Variants in DCBLD2 observed in about 807,000 individuals in gnomAD.
The protein encoded by DCBLD2 is discoidin, CUB and LCCL domain containing 2, also known as discoidin, CUB and LCCL domain-containing protein 2.
DCBLD2 carries 54 observed loss-of-function variants against 86.8 expected under a neutral mutation model. The observed-to-expected ratio is 0.62, with a 90% CI of 0.50 to 0.78. DCBLD2 has a LOEUF of 0.78. Ranked by LOEUF, DCBLD2 falls within the 30% of genes least tolerant of loss-of-function variation. The pLI is 0.00. For missense variants in DCBLD2, 908 were observed against 954.2 expected, an observed-to-expected ratio of 0.95 and a Z score of 0.64; for synonymous variants, 354 against 341.3, an observed-to-expected ratio of 1.04 and a Z score of -0.41.
intron 12 of DCBLD2, 65 bp downstream of exon 12, chr3:98,811,129 G>A (rs1024637588): frequency 9.3e-5 from 132 of 1,426,340 alleles, no homozygotes; most frequent in Non-Finnish European, 1.1e-4. Context: ...AAAAATGCCC[G>A]TGAAAACTTC....
chr3:98,881,715 G>A lies in DCBLD2; in HGVS notation c.258C>T (p.Ser86=). The A allele has an allele frequency of 6.2e-7, 1 of 1,613,838 alleles. No homozygotes were observed. The highest frequency in any genetic ancestry group is 8.5e-7 in the Non-Finnish European group (1 of 1,179,844). The stretch of plus-strand genomic sequence containing the variant: ...TGGGATAGGTCTGTGGGTAGTTTAT[G>A]GATGTAAGGGTTCCACTCTCAGGGC... ...VLGPESGTLT[S]INYPQTYPNS... Residue 86 remains serine, a synonymous_variant, in exon 2 of 16, where the codon TCC becomes TCT. Coordinates refer to ENST00000326840, the MANE Select transcript of DCBLD2 (RefSeq NM_080927.4).
intron 1 of DCBLD2, among the ~76,000 whole-genome samples, chr3:98,893,193 T>C (rs973666762): frequency 1.3e-4 from 20 of 152,240 alleles, no homozygotes; most frequent in African/African-American, 3.8e-4. Context: ...ATTGATTCAT[T>C]CATTGAACAA....
chr3:98,844,239 T>G (rs369570947), intron 3 of DCBLD2, among the ~76,000 whole-genome samples: 1 of 152,134 alleles, frequency 6.6e-6, no homozygotes, highest in African/African-American at 2.4e-5. Flanking sequence ...TTGAACAGAT[T>G]CAAAAACAGA....
chr3:98,804,925 C>A (rs1011997744), intron 13 of DCBLD2: 1 of 152,294 alleles, frequency 6.6e-6, no homozygotes, highest in Non-Finnish European at 1.5e-5. Context: ...GTTATAATTT[C>A]TTTTCTGTTA....
intron 9 of DCBLD2, among the ~76,000 whole-genome samples, chr3:98,817,523 C>T (rs1942044289): frequency 6.6e-6 from 1 of 152,030 alleles, no homozygotes. Flanking sequence ...CTAAACAATT[C>T]AATTAAAAAT....
chr3:98,831,204 TA>T (rs1271553818), intron 3 of DCBLD2, among the ~76,000 whole-genome samples: 9 of 142,280 alleles, frequency 6.3e-5, no homozygotes, highest in African/African-American at 2.5e-4. Context: ...CATGCTGAGC[TA>T]ATTTTTTTTT....
chr3:98,849,688 C>T (rs1942799011), intron 2 of DCBLD2, 90 bp from the exon 3 acceptor site: 3 of 1,380,920 alleles, frequency 2.2e-6, no homozygotes, highest in South Asian at 1.4e-5. Flanking sequence ...GAATAATATA[C>T]CAAGCTGGCT....
chr3:98,819,484 C>G, intron 7 of DCBLD2, 67 bp from the exon 8 acceptor site: 1 of 1,527,268 alleles, frequency 6.5e-7, no homozygotes, highest in Non-Finnish European at 9.0e-7. Flanking sequence ...GACCTGCTCA[C>G]TGAAAACTTT....
intron 2 of DCBLD2, among the ~76,000 whole-genome samples, chr3:98,865,882 C>T (rs926584952): frequency 7.5e-6 from 1 of 133,712 alleles, no homozygotes; most frequent in African/African-American, 2.8e-5. Flanking sequence ...ATGACAGGCA[C>T]CGGTGTGTGA....
At chr3:98,805,333 G>A (rs367806878) in intron 13 of DCBLD2, among the ~76,000 whole-genome samples, 1 of 152,016 alleles carries the variant, frequency 6.6e-6, no homozygotes, top group African/African-American at 2.4e-5. Flanking sequence ...CTTTCTCCCT[G>A]AAAATGCTCT....
intron 2 of DCBLD2, among the ~76,000 whole-genome samples, chr3:98,856,906 T>G (rs1208672760): frequency 6.6e-6 from 1 of 152,046 alleles, no homozygotes; most frequent in Non-Finnish European, 1.5e-5. Flanking sequence ...GTGGCTGAAA[T>G]GAAAGGGGAT....
intron 3 of DCBLD2, among the ~76,000 whole-genome samples, chr3:98,826,861 C>A (rs897014778): frequency 7.9e-5 from 12 of 152,158 alleles, no homozygotes; most frequent in Admixed American, 6.5e-4. Context: ...GATTAAAGAA[C>A]TGTGTCAAGG....
chr3:98,827,490 G>C (rs1942243522), intron 3 of DCBLD2, among the ~76,000 whole-genome samples: 1 of 152,194 alleles, frequency 6.6e-6, no homozygotes, highest in Non-Finnish European at 1.5e-5. Flanking sequence ...ACAGGGCTTT[G>C]GTTGTAAGTG....
At chr3:98,896,958 C>T (rs148933853) in intron 1 of DCBLD2, among the ~76,000 whole-genome samples, 251 of 152,288 alleles carry the variant, frequency 1.6e-3, no homozygotes, top group Admixed American at 6.5e-3. Flanking sequence ...AACATTACTA[C>T]CTGAGCTTCA....
At chr3:98,818,780 A>G (rs1421586886) in intron 8 of DCBLD2, among the ~76,000 whole-genome samples, 2 of 152,170 alleles carry the variant, frequency 1.3e-5, no homozygotes, top group South Asian at 2.1e-4. Flanking sequence ...TCAGACTCCA[A>G]GTTCTTAGCT....
intron 2 of DCBLD2, among the ~76,000 whole-genome samples, chr3:98,866,000 G>C (rs1178692448): frequency 6.6e-6 from 1 of 151,798 alleles, no homozygotes; most frequent in Non-Finnish European, 1.5e-5. Context: ...GAGAATGATG[G>C]TTTCCAGCTT....
At chr3:98,832,842 C>T (rs1942348391) in intron 3 of DCBLD2, among the ~76,000 whole-genome samples, 1 of 152,014 alleles carries the variant, frequency 6.6e-6, no homozygotes, top group African/African-American at 2.4e-5. Flanking sequence ...GGTGATCTGC[C>T]CTTTCTCTCT....
At chr3:98,865,722 T>A (rs1943130483) in intron 2 of DCBLD2, among the ~76,000 whole-genome samples, 1 of 152,096 alleles carries the variant, frequency 6.6e-6, no homozygotes, top group African/African-American at 2.4e-5. Flanking sequence ...ATATATATAT[T>A]TTGTATTATA....
At chr3:98,840,475 C>A (rs1324615476) in intron 3 of DCBLD2, among the ~76,000 whole-genome samples, 3 of 152,076 alleles carry the variant, frequency 2.0e-5, no homozygotes, top group Non-Finnish European at 4.4e-5. Flanking sequence ...CTAGAAAAAT[C>A]AGTGATATGT....
Sources: allele counts gnomAD v4.1 joint callset (sites outside exome capture counted in the v4.1 genomes callset), GRCh38; gene constraint gnomAD v4.1.1; transcripts MANE v1.5; gene names NCBI Gene and HGNC (gene_info 2026-07-23, HGNC 2026-07-21).